The following PRSS27 variants were observed in gnomAD, a reference collection of about 807,000 sequenced individuals.
PRSS27 encodes serine protease 27, also known as channel-activating protease 2.
A neutral mutation model predicts 32.0 loss-of-function variants in PRSS27; 25 were observed. The observed-to-expected ratio is 0.78, with a 90% CI of 0.57 to 1.09. PRSS27 has a LOEUF of 1.09. Among genes scored for constraint, PRSS27 ranks in the 50% least tolerant of loss-of-function variants. The probability of loss-of-function intolerance (pLI) is 0.00; values close to 1 mark genes in which losing one functional copy is unlikely to be tolerated. For missense variants in PRSS27, 401 were observed against 394.9 expected (o/e 1.02, Z -0.13); for synonymous variants, 178 against 172.2 (o/e 1.03, Z -0.26).
chr16:2,713,806 A>G lies in PRSS27; in HGVS notation c.509-108T>C, dbSNP rs1375080668. Reference sequence around the variant, plus strand: ...CCTGTCGTTTCCTCATGTTTAGACCATCTCTGGCTTAGGGCACTGTGGGGC... The same window carrying G: ...CCTGTCGTTTCCTCATGTTTAGACCGTCTCTGGCTTAGGGCACTGTGGGGC... On this transcript the variant is annotated intron_variant, in intron 4 of 5. Coordinates refer to ENST00000302641, the MANE Select transcript of PRSS27 (RefSeq NM_031948.5). The G allele has an allele frequency of 1.2e-5, 16 of 1,307,148 alleles. No homozygotes were observed. The East Asian group carries it at 4.0e-4, about 33-fold the overall frequency. The allele number at this position is 1,307,148 out of a possible 1,614,324, so 81.0% of individuals were successfully genotyped here.
intron 1 of PRSS27, chr16:2,718,288 CT>C: frequency 6.6e-6 from 1 of 151,722 alleles, no homozygotes; most frequent in Non-Finnish European, 1.5e-5. Flanking sequence ...TCTGGATGCC[CT>C]TCCCCCAGTC....
Position 2,712,935 on chromosome 16 carries a change from G to T in PRSS27, c.679-121C>A. ...CTTCTCTCCATCCCAGAGCCTCTCT[G>T]CCCGGCTCCCCATCCCCTGCCAGTC... On this transcript the variant is annotated intron_variant, in intron 5 of 5. Transcript: ENST00000302641. This position sits in a 1 kb window ranked among gnomAD's most constrained non-coding sequence, Gnocchi z 4.6. 1.3e-6 allele frequency: 1 copy of T among 797,944 alleles called. No individual in the cohort carries two copies. The allele number at this position is 797,944 out of a possible 1,614,324, so 49.4% of individuals were successfully genotyped here. A position where few individuals can be genotyped will look rare whatever the true frequency, so the allele number is the denominator to read the frequency against.
Position 2,714,065 on chromosome 16 carries a change from C to G in PRSS27, c.508G>C (p.Asp170His). ...VTGWGSPSEE[D>H]LLPEPRILQK... ...TTCTTTCCCAGCCCTGTCCCCTTAC[C>G]TTCCTCACTGGGGCTGCCCCAGCCA... The change falls in exon 4 of 6, where the codon GAC becomes CAC. Residue 170 changes from aspartate (D) to histidine (H), a missense_variant and splice_region_variant. Physicochemically the swap from Asp to His is moderately conservative, Grantham distance 81. Transcript: ENST00000302641. This position sits in a 1 kb window ranked among gnomAD's most constrained non-coding sequence, Gnocchi z 4.7. 1.2e-6 allele frequency: 2 copies of G among 1,604,690 alleles called. No homozygotes were observed. Among genetic ancestry groups the G allele is most frequent in the South Asian group, 1.1e-5 (1 of 89,842 alleles).
Position 2,712,787 on chromosome 16 carries a change from G to A in PRSS27, c.706C>T (p.Leu236Phe), listed in dbSNP as rs1037687943. The change falls in exon 6 of 6, where the codon CTC (leucine) becomes TTC (phenylalanine). Residue 236 changes from leucine to phenylalanine, a missense_variant. Coordinates refer to ENST00000302641, the MANE Select transcript of PRSS27 (RefSeq NM_031948.5). This position sits in a 1 kb window ranked among gnomAD's most constrained non-coding sequence, Gnocchi z 4.6. ...KGDSGGPLVC[L>F]VGQSWLQAGV... ...GCCTGCAGCCACGACTGACCCACGA[G>A]GCACACCAGGGGGCCGCCCGAGTCG... The A allele has an allele frequency of 2.5e-6, 4 of 1,582,756 alleles. No homozygotes were observed. Among genetic ancestry groups the A allele is most frequent in the Admixed American group, 3.5e-5 (2 of 56,714 alleles).
intron 1 of PRSS27, chr16:2,718,404 G>A (rs1159753549): frequency 2.0e-5 from 3 of 147,714 alleles, no homozygotes; most frequent in Non-Finnish European, 3.0e-5. Context: ...TGCAAGCTCC[G>A]CCTCCTGGGT....
At chr16:2,716,099 A>T in intron 2 of PRSS27, 1 of 522,194 alleles carries the variant, frequency 1.9e-6, no homozygotes, top group Non-Finnish European at 3.4e-6. Context: ...GAGAAAGGCA[A>T]CCTAACACCT....
At chr16:2,715,253 G>C (rs1177938148) in intron 3 of PRSS27, 1 of 157,514 alleles carries the variant, frequency 6.3e-6, no homozygotes, top group Non-Finnish European at 1.4e-5. Context: ...AGAGGGCTGG[G>C]TGGCCTGGCC....
At position 2,714,125 on chromosome 16, in the gene PRSS27, C is replaced by A; in HGVS notation, c.448G>T (p.Val150Leu). 6.2e-7 allele frequency: 1 copy of A among 1,614,106 alleles called. No individual in the cohort carries two copies. The highest frequency in any genetic ancestry group is 8.5e-7 in the Non-Finnish European group (1 of 1,180,000). ...ILPVCLPDPSVIFETGMNCWV... is the reference protein window; with the variant it reads ...ILPVCLPDPSLIFETGMNCWV... ...CAGTTCATGCCCGTCTCAAAGATCA[C>A]CGAGGGGTCAGGCAGGCACACGGGG... is the stretch of plus-strand genomic sequence containing the variant. The change falls in exon 4 of 6, where the codon GTG becomes TTG. Residue 150 changes from valine to leucine, a missense_variant. Transcript: ENST00000302641. This position sits in a 1 kb window ranked among gnomAD's most constrained non-coding sequence, Gnocchi z 4.7.
At position 2,716,510 on chromosome 16, in the gene PRSS27, C is replaced by A; in HGVS notation, c.63G>T (p.Lys21Asn). ...GCCCTGGGTGCTTACCTGTTGCTGC[C>A]TTGGCCCTCTGAGACCCTGGAAGTG... ...LLLCFGSQRA[K>N]AATACGRPRM... Residue 21 changes from lysine to asparagine, a missense_variant, in exon 2 of 6, where the codon AAG (lysine) becomes AAT (asparagine). Lys to Asn is a moderately conservative substitution (Grantham distance 94). Transcript: ENST00000302641. 6.2e-7 allele frequency: 1 copy of A among 1,604,648 alleles called. No individual in the cohort carries two copies. The highest frequency in any genetic ancestry group is 8.5e-7 in the Non-Finnish European group (1 of 1,177,764).
At position 2,715,894 on chromosome 16, in the gene PRSS27, G is replaced by A. The variant is rs1201866870; in HGVS notation, c.74-14C>T. On this transcript the variant is annotated splice_polypyrimidine_tract_variant and intron_variant, in intron 2 of 5. Transcript: ENST00000302641. ...GGCGACCACAGGCTGGGGGAGCATG[G>A]GGAGCGGGTGGGGGCGCTCACTGGG... 1 of 1,548,812 alleles carries A rather than the reference G, an allele frequency of 6.5e-7. No homozygotes were observed. The highest frequency in any genetic ancestry group is 2.3e-5 in the East Asian group (1 of 42,614).
rs1002953678 is a variant in PRSS27, at chr16:2,713,610, G to A, written c.597C>T (p.Thr199=). 6.8e-6 allele frequency: 11 copies of A among 1,614,078 alleles called. No homozygotes were observed. The highest frequency in any genetic ancestry group is 2.2e-5 in the South Asian group (2 of 91,092). ...PKCNLLYSKD[T]EFGYQPKTIK... is the part of the protein sequence containing the mutation. Reference sequence around the variant, plus strand: ...TGGTTTTGGGTTGGTAGCCAAACTCGGTGTCTTTGCTGTAGAGCAGGTTGC... The same window carrying A: ...TGGTTTTGGGTTGGTAGCCAAACTCAGTGTCTTTGCTGTAGAGCAGGTTGC... Residue 199 remains threonine, a synonymous_variant, in exon 5 of 6, where the codon ACC becomes ACT. Coordinates refer to ENST00000302641, the MANE Select transcript of PRSS27 (RefSeq NM_031948.5).
intron 2 of PRSS27, chr16:2,716,246 C>T (rs2067701799): frequency 1.7e-6 from 1 of 585,734 alleles, no homozygotes; most frequent in Non-Finnish European, 3.1e-6. Context: ...GGGCCAGTCA[C>T]GGTTCAGGGT....
At chr16:2,715,450 C>CA (rs1401854712) in intron 3 of PRSS27, 1 of 445,256 alleles carries the variant, frequency 2.2e-6, no homozygotes, top group African/African-American at 2.1e-5. Flanking sequence ...TGCAGGGACC[C>CA]ACAGGGAGTG....
In PRSS27 at chr16:2,712,757, C is replaced by A; in HGVS notation, c.736G>T (p.Val246Leu). The change falls in exon 6 of 6, where the codon GTG (valine) becomes TTG (leucine). Residue 246 changes from valine to leucine, a missense_variant. Coordinates refer to ENST00000302641, the MANE Select transcript of PRSS27 (RefSeq NM_031948.5). The surrounding 1 kb of genome is among the most constrained non-coding windows in gnomAD (Gnocchi z 4.6). The part of the protein sequence containing the change: ...LVGQSWLQAG[V>L]ISWGEGCARQ... ...GCACAGCCCTCACCCCAGCTGATCA[C>A]CCCCGCCTGCAGCCACGACTGACCC... The A allele has an allele frequency of 6.3e-7, 1 of 1,589,982 alleles. No homozygotes were observed. Among genetic ancestry groups the A allele is most frequent in the Middle Eastern group, 1.9e-4 (1 of 5,202 alleles).
Position 2,714,692 on chromosome 16 carries a change from T to A in PRSS27, c.237-356A>T. On this transcript the variant is annotated intron_variant, in intron 3 of 5. Coordinates refer to ENST00000302641, the MANE Select transcript of PRSS27 (RefSeq NM_031948.5). This position sits in a 1 kb window ranked among gnomAD's most constrained non-coding sequence, Gnocchi z 4.7. Reference sequence around the variant, plus strand: ...CAGGTGCAGCAGGGCCAGCCCCACCTGCGGGCCTCTGGCAGGTGACCTGCC... The same window carrying A: ...CAGGTGCAGCAGGGCCAGCCCCACCAGCGGGCCTCTGGCAGGTGACCTGCC... 1 of 296,602 alleles carries A rather than the reference T, an allele frequency of 3.4e-6. No homozygotes were observed. Among genetic ancestry groups the A allele is most frequent in the Non-Finnish European group, 6.5e-6 (1 of 154,684 alleles). 18.4% of individuals were successfully genotyped at this position (296,602 alleles called of 1,614,324 possible).
intron 2 of PRSS27, 188 bp from the exon 3 acceptor site, chr16:2,716,068 C>T (rs1567200528): frequency 3.8e-6 from 2 of 523,292 alleles, no homozygotes; most frequent in South Asian, 3.0e-5. Flanking sequence ...AGCTGCCCCC[C>T]AAAGTCTCAC....
intron 1 of PRSS27, 105 bp from the exon 2 acceptor site, chr16:2,716,631 C>G: frequency 9.0e-7 from 1 of 1,115,826 alleles, no homozygotes; most frequent in Non-Finnish European, 1.3e-6. Flanking sequence ...CTGAGGACTC[C>G]AGAGGGACAG....
chr16:2,713,333 T>C lies in PRSS27; in HGVS notation c.678+196A>G, dbSNP rs186791409. On this transcript the variant is annotated intron_variant, in intron 5 of 5. Transcript: ENST00000302641. ...CAGGATGGTCTCCATCTCCTGACCTTGTGATCCACCCTCCTTGGCCTCCCA... is the reference window on the plus strand; with the variant it reads ...CAGGATGGTCTCCATCTCCTGACCTCGTGATCCACCCTCCTTGGCCTCCCA... 1.6e-3 allele frequency: 1,034 copies of C among 627,920 alleles called. 11 individuals are homozygous for C. The East Asian group carries it at 0.022, about 13-fold the overall frequency. 38.9% of individuals were successfully genotyped at this position (627,920 alleles called of 1,614,324 possible).
chr16:2,713,951 C>CGT, intron 4 of PRSS27, 114 bp downstream of exon 4: 1 of 1,206,354 alleles, frequency 8.3e-7, no homozygotes, highest in South Asian at 1.4e-5. Flanking sequence ...GAACAGAGAC[C>CGT]GTGTGTATGT....
Sources: allele counts gnomAD v4.1 joint callset, GRCh38; gene constraint gnomAD v4.1.1; non-coding constraint Gnocchi (gnomAD v3.1); transcripts MANE v1.5; gene names NCBI Gene and HGNC (gene_info 2026-07-23, HGNC 2026-07-21).